The following NPHS1 variants were observed in gnomAD, a reference collection of about 807,000 sequenced individuals.
NPHS1 encodes the protein nephrin.
In NPHS1, 107 loss-of-function variants were observed where a neutral mutation model predicts 139.7. The ratio of observed to expected loss-of-function variants is 0.77; its 90% confidence interval spans 0.66 to 0.90. The LOEUF is 0.90. Among genes scored for constraint, NPHS1 ranks in the 40% least tolerant of loss-of-function variants. NPHS1 has a pLI of 0.00. For missense variants in NPHS1, 1,580 were observed against 1,654.2 expected (o/e 0.96, Z 0.78); for synonymous variants, 707 against 706.6 (o/e 1.00, Z -0.01).
chr19:35,846,234 C>T (rs778558789), intron 11 of NPHS1, 40 bp from the exon 12 acceptor site: 1 of 1,547,536 alleles, frequency 6.5e-7, no homozygotes, highest in South Asian at 1.2e-5. Context: ...GGCAGCCCTG[C>T]CGCTTCCACC....
At position 35,826,267 on chromosome 19, in the gene NPHS1, C is replaced by G; in HGVS notation, c.*247G>C. 1 of 498,172 alleles carries G rather than the reference C, an allele frequency of 2.0e-6. No individual in the cohort carries two copies. The highest frequency in any genetic ancestry group is 3.7e-6 in the Non-Finnish European group (1 of 273,774). 30.9% of individuals were successfully genotyped at this position (498,172 alleles called of 1,614,324 possible). On this transcript the variant is annotated 3_prime_UTR_variant, in exon 29 of 29. Transcript: ENST00000378910. ...CGGCAGCATTTCATTTTTGAGACGA[C>G]GTTTACAATCTGCCCTGTCCTTTTG...
Position 35,830,888 on chromosome 19 carries a change from G to A in NPHS1, c.3550C>T (p.Pro1184Ser). ...AGGGGTCCCCAGGCTCCAGACGGGG[G>A]GTACGTTCTTTCTACCTCATCATAC... ...HLYDEVERTYPPSGAWGPLYD... is the reference protein window; with the variant it reads ...HLYDEVERTYSPSGAWGPLYD... The change falls in exon 28 of 29, where the codon CCC (proline) becomes TCC (serine). Residue 1184 changes from proline (P) to serine (S), a missense_variant. Pro to Ser is a moderately conservative substitution (Grantham distance 74). Coordinates refer to ENST00000378910, the MANE Select transcript of NPHS1 (RefSeq NM_004646.4). The A allele has an allele frequency of 1.2e-6, 2 of 1,613,892 alleles. No individual in the cohort carries two copies. Among genetic ancestry groups the A allele is most frequent in the South Asian group, 2.2e-5 (2 of 91,070 alleles).
In NPHS1 at chr19:35,849,310, G is replaced by C. The variant is rs386833960; in HGVS notation, c.766C>G (p.Arg256Gly). Residue 256 changes from arginine to glycine, a missense_variant, in exon 7 of 29, where the codon CGG becomes GGG. Transcript: ENST00000378910. ...EWPGLDEGHV[R>G]AGQSLELPCV... ...GGCAGCTCCAAGCTCTGTCCTGCCC[G>C]CACGTGCCCCTCATCCAGGCCTGGC... is the stretch of plus-strand genomic sequence containing the variant. 48 of 1,612,736 alleles carry C rather than the reference G, an allele frequency of 3.0e-5. No homozygotes were observed. The highest frequency in any genetic ancestry group is 4.0e-5 in the Non-Finnish European group (47 of 1,179,980).
intron 22 of NPHS1, among the ~76,000 whole-genome samples, chr19:35,838,421 C>A (rs1973006703): frequency 2.0e-5 from 3 of 150,022 alleles, no homozygotes; most frequent in Admixed American, 2.0e-4. Flanking sequence ...GGCATGGTGG[C>A]ACTTGCCTGT....
rs746480988 is a variant in NPHS1, at chr19:35,845,761, G to A, written c.1665C>T (p.Ser555=). 8 of 1,614,002 alleles carry A rather than the reference G, an allele frequency of 5.0e-6. No individual in the cohort carries two copies. Among genetic ancestry groups the A allele is most frequent in the South Asian group, 1.1e-5 (1 of 91,080 alleles). ...TTAAGGCGTCTCCCGGGCGCAGTGC[G>A]GATGCGTTGGCCAGGATCGTCACGT... The part of the protein sequence containing the change: ...PTNVTILANA[S]ALRPGDALNL... Residue 555 remains serine (S), a synonymous_variant, in exon 13 of 29, where the codon TCC becomes TCT. Coordinates refer to ENST00000378910, the MANE Select transcript of NPHS1 (RefSeq NM_004646.4). This position sits in a 1 kb window ranked among gnomAD's most constrained non-coding sequence, Gnocchi z 5.5.
Position 35,851,339 on chromosome 19 carries a change from G to A in NPHS1, c.320C>T (p.Ala107Val), listed in dbSNP as rs386833934. The A allele has an allele frequency of 8.1e-6, 13 of 1,613,754 alleles. No individual in the cohort carries two copies. The South Asian group carries it at 9.9e-5, about 12-fold the overall frequency. Residue 107 changes from alanine to valine, a missense_variant, in exon 3 of 29, where the codon GCG becomes GTG. Transcript: ENST00000378910. Reference sequence around the variant, plus strand: ...GCGGCCGACCTGGCACTCATACTCCGCGTCATCGCTGAGGTCACAGGCCTC... The same window carrying A: ...GCGGCCGACCTGGCACTCATACTCCACGTCATCGCTGAGGTCACAGGCCTC... ...HIEACDLSDD[A>V]EYECQVGRSE... is the part of the protein sequence containing the mutation.
rs745739582 is a variant in NPHS1, at chr19:35,841,733, T to A, written c.2797A>T (p.Ile933Phe). ...TCCATACTGATGCTGACAAGTTGAA[T>A]GTTGGTTTGGTCCGAGCCAAGGGCG... ...TNALGSDQTN[I>F]QLVSISRPDP... Residue 933 changes from isoleucine to phenylalanine, a missense_variant, in exon 20 of 29, where the codon ATT becomes TTT. Physicochemically the swap from Ile to Phe is conservative, Grantham distance 21. Coordinates refer to ENST00000378910, the MANE Select transcript of NPHS1 (RefSeq NM_004646.4). 3 of 1,614,136 alleles carry A rather than the reference T, an allele frequency of 1.9e-6. No individual in the cohort carries two copies. The highest frequency in any genetic ancestry group is 1.7e-5 in the Admixed American group (1 of 60,014).
At position 35,838,217 on chromosome 19, in the gene NPHS1, C is replaced by T. The variant is rs115188677; in HGVS notation, c.3109+1020G>A. On this transcript the variant is annotated intron_variant, in intron 22 of 28. Coordinates refer to ENST00000378910, the MANE Select transcript of NPHS1 (RefSeq NM_004646.4). Reference sequence around the variant, plus strand: ...CGAGACGGCACCATTGCACTCCACCCTGGGCAACAAGAACAAAACTGCGTC... The same window carrying T: ...CGAGACGGCACCATTGCACTCCACCTTGGGCAACAAGAACAAAACTGCGTC... Among the ~76,000 whole-genome samples, 1,507 of 151,536 alleles carry T rather than the reference C, an allele frequency of 9.9e-3. 31 individuals carry two copies. The highest frequency in any genetic ancestry group is 0.035 in the African/African-American group (1,433 of 41,330).
Position 35,845,622 on chromosome 19 carries a change from G to A in NPHS1, c.1757+47C>T, listed in dbSNP as rs1352094552. ...TAGGCGGGGGCGGGACATGCGTGGA[G>A]GGGGCGAGGCCAGACCAGAGAGGGG... On this transcript the variant is annotated intron_variant, in intron 13 of 28. Transcript: ENST00000378910. The surrounding 1 kb of genome is among the most constrained non-coding windows in gnomAD (Gnocchi z 5.5). The A allele has an allele frequency of 1.9e-6, 3 of 1,608,036 alleles. No individual in the cohort carries two copies. The highest frequency in any genetic ancestry group is 4.5e-5 in the East Asian group (2 of 44,646).
chr19:35,845,280 GA>G lies in NPHS1; in HGVS notation c.1930+87del. ...AAATGAAAGAGAGAGAGAGAGAGAA[GA>G]GAAAAAGAAGGAAAAAAAGGTAAGA... On this transcript the variant is annotated intron_variant, in intron 14 of 28. Coordinates refer to ENST00000378910, the MANE Select transcript of NPHS1 (RefSeq NM_004646.4). The surrounding 1 kb of genome is among the most constrained non-coding windows in gnomAD (Gnocchi z 5.5). 1 of 1,425,854 alleles carries G rather than the reference GA, an allele frequency of 7.0e-7. No individual in the cohort carries two copies. Among genetic ancestry groups the G allele is most frequent in the Non-Finnish European group, 9.8e-7 (1 of 1,016,096 alleles). 88.3% of individuals were successfully genotyped at this position (1,425,854 alleles called of 1,614,324 possible).
intron 11 of NPHS1, among the ~76,000 whole-genome samples, chr19:35,846,808 C>G (rs182819971): frequency 9.2e-5 from 14 of 152,290 alleles, no homozygotes; most frequent in African/African-American, 3.1e-4. Context: ...CAGCACTTCC[C>G]CAGAATTCCA....
Position 35,830,915 on chromosome 19 carries a change from A to G in NPHS1, c.3523T>C (p.Leu1175=), listed in dbSNP as rs765534466. 4 of 1,613,990 alleles carry G rather than the reference A, an allele frequency of 2.5e-6. No individual in the cohort carries two copies. In the African/African-American group the frequency reaches 5.3e-5, roughly 22 times the overall value. Residue 1175 remains leucine (L), a synonymous_variant, in exon 28 of 29, where the codon TTG becomes CTG. Coordinates refer to ENST00000378910, the MANE Select transcript of NPHS1 (RefSeq NM_004646.4). ...TACGTTCTTTCTACCTCATCATACA[A>G]GTGCCCAGGGAAGGCCATATCCTCA... ...EDEDMAFPGH[L]YDEVERTYPP... is the part of the protein sequence containing the mutation.
At chr19:35,842,346 G>T (rs1973071974) in intron 18 of NPHS1, 33 bp downstream of exon 18, 1 of 1,612,690 alleles carries the variant, frequency 6.2e-7, no homozygotes, top group South Asian at 1.1e-5. Flanking sequence ...TTCAGTGGCA[G>T]GTCTTGAAGT....
intron 3 of NPHS1, 46 bp downstream of exon 3, chr19:35,851,216 G>A (rs1291811225): frequency 6.2e-7 from 1 of 1,613,582 alleles, no homozygotes; most frequent in South Asian, 1.1e-5. Context: ...GGTAGGGGAG[G>A]GCTTGAAGCC....
intron 23 of NPHS1, among the ~76,000 whole-genome samples, chr19:35,835,296 T>C (rs1972942684): frequency 1.5e-5 from 2 of 130,256 alleles, no homozygotes; most frequent in South Asian, 5.5e-4. Context: ...ACTAAGTCTT[T>C]TTTTTTTTTT....
At chr19:35,841,649 A>G (rs1942905012) in intron 20 of NPHS1, 66 bp downstream of exon 20, 1 of 1,590,382 alleles carries the variant, frequency 6.3e-7, no homozygotes, top group African/African-American at 1.3e-5. Flanking sequence ...GCCCAGGGCC[A>G]ATCAGGGATG....
intron 6 of NPHS1, 73 bp downstream of exon 6, chr19:35,849,477 C>T (rs1170326080): frequency 6.3e-7 from 1 of 1,598,336 alleles, no homozygotes; most frequent in Non-Finnish European, 8.6e-7. Context: ...TCCATAATCC[C>T]TGTGATCCCC....
In NPHS1 at chr19:35,847,191, A is replaced by G. The variant is rs1599844282; in HGVS notation, c.1440+850T>C. On this transcript the variant is annotated intron_variant, in intron 11 of 28. Coordinates refer to ENST00000378910, the MANE Select transcript of NPHS1 (RefSeq NM_004646.4). ...CTCCCGAGTAGCTGGGACTACAGGC[A>G]CCTGCCACCACGCCTGGCTAATTTT... is the stretch of plus-strand genomic sequence containing the variant. Among the ~76,000 whole-genome samples the G allele has an allele frequency of 5.4e-5, 8 of 149,058 alleles. No individual in the cohort carries two copies. The South Asian group carries it at 1.5e-3, about 28-fold the overall frequency.
In NPHS1 at chr19:35,843,578, C is replaced by A; in HGVS notation, c.2228G>T (p.Arg743Leu). The A allele has an allele frequency of 6.2e-7, 1 of 1,613,964 alleles. No individual in the cohort carries two copies. Among genetic ancestry groups the A allele is most frequent in the Non-Finnish European group, 8.5e-7 (1 of 1,179,890 alleles). The change falls in exon 17 of 29, where the codon CGT (arginine) becomes CTT (leucine). Residue 743 changes from arginine (R) to leucine (L), a missense_variant. By Grantham distance (102) the Arg-to-Leu change is moderately radical (BLOSUM62 -2). Transcript: ENST00000378910. ...RLDVHYAPTI[R>L]ALQDPTEVNV... Reference sequence around the variant, plus strand: ...CACCTCAGTGGGGTCCTGGAGGGCACGGATGGTGGGAGCATCTGGTGGAAG... The same window carrying A: ...CACCTCAGTGGGGTCCTGGAGGGCAAGGATGGTGGGAGCATCTGGTGGAAG...
Sources: allele counts gnomAD v4.1 joint callset (sites outside exome capture counted in the v4.1 genomes callset), GRCh38; gene constraint gnomAD v4.1.1; non-coding constraint Gnocchi (gnomAD v3.1); transcripts MANE v1.5; gene names NCBI Gene and HGNC (gene_info 2026-07-23, HGNC 2026-07-21).